MAGI2: variants seen among roughly 807,000 people sequenced by gnomAD.
MAGI2 encodes membrane-associated guanylate kinase, WW and PDZ domain-containing protein 2.
A neutral mutation model predicts 133.3 loss-of-function variants in MAGI2; 35 were observed. That is an observed-to-expected ratio of 0.26 (90% CI 0.20 to 0.35). The LOEUF (loss-of-function observed/expected upper bound fraction) is 0.35. MAGI2 is among the 10% of genes least tolerant of loss of function. MAGI2 has a pLI of 1.00. For missense variants in MAGI2, 1,636 were observed against 1,863.4 expected, an observed-to-expected ratio of 0.88 and a Z score of 2.25; for synonymous variants, 729 against 710.6, an observed-to-expected ratio of 1.03 and a Z score of -0.41.
At chr7:78,857,076 T>C (rs1262835141) in intron 2 of MAGI2, among the ~76,000 whole-genome samples, 1 of 152,230 alleles carries the variant, frequency 6.6e-6, no homozygotes, top group Non-Finnish European at 1.5e-5. Context: ...TGTAAAGGAA[T>C]GCTTGTGATT....
intron 20 of MAGI2, among the ~76,000 whole-genome samples, chr7:78,119,163 G>C (rs1820168294): frequency 1.3e-5 from 2 of 152,116 alleles, no homozygotes; most frequent in Non-Finnish European, 2.9e-5. Flanking sequence ...TGGGGAGGGA[G>C]GAATGAATAG....
rs1041455091 is a variant in MAGI2, at chr7:78,334,406, C to T, written c.1408+9372G>A. 2.5e-4 allele frequency among the ~76,000 whole-genome samples: 38 copies of T among 152,288 alleles called. 1 individual carries two copies. Among genetic ancestry groups the T allele is most frequent in the Middle Eastern group, 6.8e-3 (2 of 294 alleles). ...TGCTATGGGATAGAATTTCCTGAAACAGTGCTAAAACCCCCAAAGTGAGAA... is the reference window on the plus strand; with the variant it reads ...TGCTATGGGATAGAATTTCCTGAAATAGTGCTAAAACCCCCAAAGTGAGAA... On this transcript the variant is annotated intron_variant, in intron 9 of 21. Coordinates refer to ENST00000354212, the MANE Select transcript of MAGI2 (RefSeq NM_012301.4).
intron 2 of MAGI2, among the ~76,000 whole-genome samples, chr7:78,744,849 G>A (rs996073265): frequency 6.6e-6 from 1 of 152,106 alleles, no homozygotes; most frequent in Non-Finnish European, 1.5e-5. Flanking sequence ...TAGTGCTTCC[G>A]GATAGGAACT....
Position 78,195,054 on chromosome 7 carries a change from G to A in MAGI2, c.2089C>T (p.Arg697Ter). ...PWKTPKPIMD[R>*]WENQGSPQTS... ...TGAGGACTGCCTTGATTCTCCCATC[G>A]GTCCATTATCTGAAAAGTGACAGAG... is the stretch of plus-strand genomic sequence containing the variant. Residue 697 changes from arginine (R) to a stop codon, truncating the protein, a stop_gained, in exon 12 of 22, where the codon CGA (arginine) becomes TGA (stop). Coordinates refer to ENST00000354212, the MANE Select transcript of MAGI2 (RefSeq NM_012301.4). LOFTEE classifies it high-confidence loss of function. 1 of 1,604,444 alleles carries A rather than the reference G, an allele frequency of 6.2e-7. No individual in the cohort carries two copies. The highest frequency in any genetic ancestry group is 8.5e-7 in the Non-Finnish European group (1 of 1,176,340).
chr7:78,477,636 C>T (rs546068407), intron 6 of MAGI2, among the ~76,000 whole-genome samples: 1 of 151,962 alleles, frequency 6.6e-6, no homozygotes, highest in East Asian at 2.0e-4. Context: ...TCTCATGAGA[C>T]TTATTCACTA....
At chr7:78,792,547 C>G (rs1056052823) in intron 2 of MAGI2, among the ~76,000 whole-genome samples, 1 of 152,140 alleles carries the variant, frequency 6.6e-6, no homozygotes, top group African/African-American at 2.4e-5. Context: ...ACACACCCAG[C>G]CTGTCAATTT....
chr7:78,313,817 G>A (rs1458671514), intron 9 of MAGI2, among the ~76,000 whole-genome samples: 5 of 151,896 alleles, frequency 3.3e-5, no homozygotes, highest in East Asian at 1.9e-4. Flanking sequence ...TAAGTTCCTC[G>A]GATACTACAA....
In MAGI2 at chr7:79,150,588, A is replaced by G. The variant is rs114154627; in HGVS notation, c.302-143382T>C. On this transcript the variant is annotated intron_variant, in intron 1 of 21. Transcript: ENST00000354212. ...AATCACATAAATAATGTGTTCTAAA[A>G]GTACTATTTTTCTTCATTTTGATAT... Among the ~76,000 whole-genome samples the G allele has an allele frequency of 8.6e-3, 1,309 of 152,292 alleles. 22 individuals are homozygous for G. The highest frequency in any genetic ancestry group is 0.03 in the African/African-American group (1,243 of 41,564).
At chr7:79,123,550 C>T (rs1169823378) in intron 1 of MAGI2, among the ~76,000 whole-genome samples, 1 of 152,014 alleles carries the variant, frequency 6.6e-6, no homozygotes, top group East Asian at 1.9e-4. Flanking sequence ...CTTTGGGAGG[C>T]TGAGGCAGGT....
In MAGI2 at chr7:79,049,478, A is replaced by G. The variant is rs184912718; in HGVS notation, c.302-42272T>C. Among the ~76,000 whole-genome samples the G allele has an allele frequency of 1.8e-4, 28 of 152,254 alleles. No homozygotes were observed. The East Asian group carries it at 5.4e-3, about 29-fold the overall frequency. On this transcript the variant is annotated intron_variant, in intron 1 of 21. Transcript: ENST00000354212. ...GAAGTTATACACAGGCTAGAAAAGG[A>G]TGGATCCCTATGCAAAGTACTCTGC...
chr7:79,017,784 G>A (rs748044922), intron 1 of MAGI2, among the ~76,000 whole-genome samples: 90 of 152,236 alleles, frequency 5.9e-4, no homozygotes, highest in African/African-American at 8.7e-4. Context: ...ATTTCATAAT[G>A]CAATCACAAG....
At chr7:78,176,405 GC>G (rs1826611492) in intron 14 of MAGI2, among the ~76,000 whole-genome samples, 1 of 151,946 alleles carries the variant, frequency 6.6e-6, no homozygotes. Context: ...TTCCTGGAGA[GC>G]CCTCATCCTT....
chr7:78,350,905 T>A (rs147461085), intron 7 of MAGI2, among the ~76,000 whole-genome samples: 11 of 152,178 alleles, frequency 7.2e-5, no homozygotes, highest in African/African-American at 2.6e-4. Context: ...TCTCCTGGGG[T>A]TTTTGGAGAC....
intron 1 of MAGI2, among the ~76,000 whole-genome samples, chr7:79,207,208 C>T (rs186320967): frequency 2.0e-5 from 3 of 151,768 alleles, no homozygotes; most frequent in Non-Finnish European, 2.9e-5. Context: ...CAGTACTGCA[C>T]GTTCTAGGCA....
At chr7:79,334,670 C>G (rs1004612753) in intron 1 of MAGI2, among the ~76,000 whole-genome samples, 2 of 152,162 alleles carry the variant, frequency 1.3e-5, no homozygotes, top group Non-Finnish European at 2.9e-5. Flanking sequence ...ATCTTTACCT[C>G]TAGCCATATT....
intron 6 of MAGI2, among the ~76,000 whole-genome samples, chr7:78,426,617 A>T (rs34287328): frequency 0.15 from 22,245 of 144,840 alleles, 1,883 homozygotes; most frequent in South Asian, 0.23. Flanking sequence ...AATAATAAAT[A>T]AATTAATTAA....
chr7:78,507,971 C>T (rs545416537), intron 4 of MAGI2, among the ~76,000 whole-genome samples: 83 of 152,280 alleles, frequency 5.5e-4, no homozygotes, highest in Non-Finnish European at 9.8e-4. Context: ...TATATCAAGG[C>T]GTTGGCAGGG....
intron 6 of MAGI2, among the ~76,000 whole-genome samples, chr7:78,457,832 C>T (rs1789482404): frequency 6.6e-6 from 1 of 152,188 alleles, no homozygotes; most frequent in African/African-American, 2.4e-5. Flanking sequence ...AAATCCACTT[C>T]TGTATCTCCA....
rs149055892 is a variant in MAGI2 at position 79,381,392 on chromosome 7, A to G, written c.301+71628T>C. Among the ~76,000 whole-genome samples, 233 of 151,836 alleles carry G rather than the reference A, an allele frequency of 1.5e-3. 3 individuals are homozygous for G. Among genetic ancestry groups the G allele is most frequent in the African/African-American group, 5.3e-3 (218 of 41,502 alleles). ...CAGTTCATATGCTATAGGTTTTGCT[A>G]TATAATAAAAGGTTTGCTTATGTTT... On this transcript the variant is annotated intron_variant, in intron 1 of 21. Transcript: ENST00000354212.
Sources: gnomAD v4.1 joint callset for allele counts (sites outside exome capture counted in the v4.1 genomes callset) on GRCh38, gnomAD v4.1.1 for gene constraint, MANE v1.5 for transcripts, NCBI Gene and HGNC (gene_info 2026-07-23, HGNC 2026-07-21) for gene names.